Variants in HS2ST1 observed in about 807,000 individuals in gnomAD.
The protein encoded by HS2ST1 is 2-O-sulfotransferase.
Under a neutral mutation model 42.9 loss-of-function variants are expected in HS2ST1, and 18 were observed. That is an observed-to-expected ratio of 0.42 (90% CI 0.29 to 0.62). The LOEUF (loss-of-function observed/expected upper bound fraction) is 0.62, where lower values mean the gene tolerates loss of function less well. Among genes scored for constraint, HS2ST1 ranks in the 20% least tolerant of loss-of-function variants. The probability of loss-of-function intolerance (pLI) is 0.21; values close to 1 mark genes in which losing one functional copy is unlikely to be tolerated. For missense variants in HS2ST1, 334 were observed against 433.8 expected, an observed-to-expected ratio of 0.77 and a Z score of 2.04; for synonymous variants, 146 against 152.9, an observed-to-expected ratio of 0.95 and a Z score of 0.33.
In HS2ST1 at chr1:87,050,468, G is replaced by A. The variant is rs577069257; in HGVS notation, c.125-22466G>A. Among the ~76,000 whole-genome samples, 297 of 151,574 alleles carry A rather than the reference G, an allele frequency of 2.0e-3. 2 individuals are homozygous for A. Among genetic ancestry groups the A allele is most frequent in the Middle Eastern group, 0.017 (5 of 294 alleles). ...CTGGGACTACATTAGAAATAAAATG[G>A]CCTCCAAATATGAGAGATTATGCTA... On this transcript the variant is annotated intron_variant, in intron 1 of 6. Coordinates refer to ENST00000370550, the MANE Select transcript of HS2ST1 (RefSeq NM_012262.4).
chr1:87,023,216 T>G (rs1426997895), intron 1 of HS2ST1, among the ~76,000 whole-genome samples: 17 of 152,184 alleles, frequency 1.1e-4, no homozygotes, highest in Admixed American at 1.1e-3. Context: ...TAAATGTACA[T>G]GCCCTTTTAA....
At chr1:87,028,210 A>G (rs1427987671) in intron 1 of HS2ST1, among the ~76,000 whole-genome samples, 1 of 152,234 alleles carries the variant, frequency 6.6e-6, no homozygotes, top group East Asian at 1.9e-4. Flanking sequence ...GAGAACTCCA[A>G]ACTGAGACTC....
chr1:86,953,860 C>T (rs1333207206), intron 1 of HS2ST1, among the ~76,000 whole-genome samples: 2 of 151,918 alleles, frequency 1.3e-5, no homozygotes, highest in East Asian at 3.9e-4. Context: ...GGCCTAATTT[C>T]AATATTGTTG....
intron 1 of HS2ST1, among the ~76,000 whole-genome samples, chr1:86,928,673 G>T (rs1477759202): frequency 6.6e-6 from 1 of 151,904 alleles, no homozygotes; most frequent in Non-Finnish European, 1.5e-5. Context: ...TATTTTAATA[G>T]ATAGTTTCTG....
intron 2 of HS2ST1, among the ~76,000 whole-genome samples, chr1:87,075,161 C>CTTTT (rs34812948): frequency 0.017 from 838 of 48,592 alleles, 33 homozygotes; most frequent in Non-Finnish European, 0.025. Flanking sequence ...TCTCAGCTAC[C>CTTTT]TTTTTTTTTT....
chr1:87,070,984 T>A (rs1651389988), intron 1 of HS2ST1, among the ~76,000 whole-genome samples: 1 of 152,354 alleles, frequency 6.6e-6, no homozygotes, highest in East Asian at 1.9e-4. Context: ...TGACCCAGGC[T>A]ATCCAACAGT....
At chr1:86,920,216 G>A (rs1660265806) in intron 1 of HS2ST1, among the ~76,000 whole-genome samples, 1 of 152,174 alleles carries the variant, frequency 6.6e-6, no homozygotes, top group African/African-American at 2.4e-5. Context: ...AAATAATTGA[G>A]AATGGATTAT....
intron 1 of HS2ST1, among the ~76,000 whole-genome samples, chr1:86,960,033 T>G (rs1647786946): frequency 6.6e-6 from 1 of 152,140 alleles, no homozygotes; most frequent in African/African-American, 2.4e-5. Flanking sequence ...ACTTAAAGAC[T>G]TATGAAGCCA....
rs570977672 is a variant in HS2ST1 at position 87,076,514 on chromosome 1, A to C, written c.363+3342A>C. Among the ~76,000 whole-genome samples, 68 of 152,300 alleles carry C rather than the reference A, an allele frequency of 4.5e-4. 1 individual carries two copies. In the South Asian group the frequency reaches 0.014, roughly 32 times the overall value. On this transcript the variant is annotated intron_variant, in intron 2 of 6. Coordinates refer to ENST00000370550, the MANE Select transcript of HS2ST1 (RefSeq NM_012262.4). ...TTTTCTGTAGTTTAGAAATTTTTTT[A>C]AATAAAAAAGTTGAAAAGTTAAAAG... is the stretch of plus-strand genomic sequence containing the variant.
intron 1 of HS2ST1, among the ~76,000 whole-genome samples, chr1:87,054,396 G>T (rs1178339449): frequency 6.6e-6 from 1 of 152,036 alleles, no homozygotes; most frequent in Non-Finnish European, 1.5e-5. Flanking sequence ...CTCTAATCAA[G>T]CATCATCATC....
chr1:87,083,593 A>G (rs1442487008), intron 2 of HS2ST1, among the ~76,000 whole-genome samples: 1 of 152,192 alleles, frequency 6.6e-6, no homozygotes, highest in East Asian at 1.9e-4. Context: ...CGTTAATTCC[A>G]ATAAGTTAAA....
At chr1:87,067,368 T>G (rs1651280501) in intron 1 of HS2ST1, among the ~76,000 whole-genome samples, 1 of 152,188 alleles carries the variant, frequency 6.6e-6, no homozygotes, top group Non-Finnish European at 1.5e-5. Context: ...CATAAATGTC[T>G]TCTTTTGAGA....
chr1:87,100,703 G>T (rs552337263), intron 5 of HS2ST1, among the ~76,000 whole-genome samples: 1 of 152,330 alleles, frequency 6.6e-6, no homozygotes, highest in East Asian at 1.9e-4. Flanking sequence ...GAAGACCAAA[G>T]TGGGAGGATC....
chr1:86,976,103 A>G (rs1234372525), intron 1 of HS2ST1, among the ~76,000 whole-genome samples: 7 of 152,250 alleles, frequency 4.6e-5, no homozygotes, highest in Admixed American at 4.6e-4. Flanking sequence ...TATCTATAGC[A>G]GAAACATAGT....
At chr1:87,033,749 G>A (rs1277131957) in intron 1 of HS2ST1, among the ~76,000 whole-genome samples, 2 of 152,102 alleles carry the variant, frequency 1.3e-5, no homozygotes, top group Non-Finnish European at 2.9e-5. Flanking sequence ...TCACTATGTT[G>A]GCCAGACTGG....
intron 1 of HS2ST1, among the ~76,000 whole-genome samples, chr1:87,031,075 G>A (rs1650224513): frequency 6.6e-6 from 1 of 151,964 alleles, no homozygotes; most frequent in African/African-American, 2.4e-5. Context: ...GAGTAGCTGG[G>A]GCCATAGACT....
intron 1 of HS2ST1, among the ~76,000 whole-genome samples, chr1:86,939,462 T>C (rs923565782): frequency 5.3e-5 from 8 of 152,236 alleles, no homozygotes; most frequent in Non-Finnish European, 8.8e-5. Context: ...ACTTAACCTT[T>C]TTTACTCCAT....
chr1:86,952,435 A>G (rs1382489514), intron 1 of HS2ST1, among the ~76,000 whole-genome samples: 1 of 151,996 alleles, frequency 6.6e-6, no homozygotes, highest in East Asian at 1.9e-4. Flanking sequence ...ATGGGGTTTC[A>G]CCATGTTGGC....
chr1:86,926,039 T>C (rs1660410395), intron 1 of HS2ST1, among the ~76,000 whole-genome samples: 1 of 152,218 alleles, frequency 6.6e-6, no homozygotes, highest in Admixed American at 6.5e-5. Flanking sequence ...GAGACAGTTT[T>C]GTCTTTTTGA....
Sources: gnomAD v4.1 joint callset for allele counts (sites outside exome capture counted in the v4.1 genomes callset) on GRCh38, gnomAD v4.1.1 for gene constraint, MANE v1.5 for transcripts, NCBI Gene and HGNC (gene_info 2026-07-23, HGNC 2026-07-21) for gene names.